ZNF710: variants seen among roughly 807,000 people sequenced by gnomAD.
ZNF710 encodes zinc finger protein 710.
A neutral mutation model predicts 50.6 loss-of-function variants in ZNF710; 13 were observed. That is an observed-to-expected ratio of 0.26 (90% CI 0.17 to 0.41). ZNF710 has a LOEUF of 0.41. Ranked by LOEUF, ZNF710 falls within the 10% of genes least tolerant of loss-of-function variation. The probability of loss-of-function intolerance (pLI) is 1.00; values close to 1 mark genes in which losing one functional copy is unlikely to be tolerated. For missense variants in ZNF710, 721 were observed against 936.6 expected, an observed-to-expected ratio of 0.77 and a Z score of 3.01; for synonymous variants, 383 against 397.0, an observed-to-expected ratio of 0.96 and a Z score of 0.42.
At chr15:90,006,147 T>TAAGG (rs1898136136) in intron 1 of ZNF710, among the ~76,000 whole-genome samples, 1 of 152,072 alleles carries the variant, frequency 6.6e-6, no homozygotes, top group African/African-American at 2.4e-5. Flanking sequence ...GTGAGGCCTA[T>TAAGG]AAGGGAATGC....
At chr15:90,036,506 G>A (rs1045516180) in intron 1 of ZNF710, among the ~76,000 whole-genome samples, 1 of 151,964 alleles carries the variant, frequency 6.6e-6, no homozygotes, top group African/African-American at 2.4e-5. Context: ...TGGGAGCCTG[G>A]AATGAATTCT....
chr15:90,007,880 G>A (rs182981976), intron 1 of ZNF710, among the ~76,000 whole-genome samples: 13 of 152,032 alleles, frequency 8.6e-5, no homozygotes, highest in Non-Finnish European at 1.6e-4. Context: ...TCCCAAGGAA[G>A]CACCTTGTGA....
intron 1 of ZNF710, among the ~76,000 whole-genome samples, chr15:90,013,757 T>C (rs1027578582): frequency 6.6e-6 from 1 of 152,244 alleles, no homozygotes; most frequent in African/African-American, 2.4e-5. Context: ...TCTCGATTTT[T>C]GGTCAAAGTC....
intron 1 of ZNF710, among the ~76,000 whole-genome samples, chr15:90,031,035 A>AAAAAAAAAC (rs1567226859): frequency 6.6e-6 from 1 of 151,072 alleles, no homozygotes; most frequent in African/African-American, 2.4e-5. Flanking sequence ...AAAGAAAAAA[A>AAAAAAAAAC]AAAAAATGCT....
rs368826866 is a variant in ZNF710, at chr15:90,067,812, C to A, written c.675C>A (p.Pro225=). ...GGTTCGAGCCACCCCACCTGGCCCCCCTGAGTGACCCCGAGGCCCCCAGCA... is the reference window on the plus strand; with the variant it reads ...GGTTCGAGCCACCCCACCTGGCCCCACTGAGTGACCCCGAGGCCCCCAGCA... The part of the protein sequence containing the change: ...ECGFEPPHLA[P]LSDPEAPSME... The change falls in exon 2 of 5, where the codon CCC becomes CCA. Residue 225 remains proline (P), a synonymous_variant. Coordinates refer to ENST00000268154, the MANE Select transcript of ZNF710 (RefSeq NM_198526.4). The surrounding 1 kb of genome is among the most constrained non-coding windows in gnomAD (Gnocchi z 8.1). 105 of 1,583,334 alleles carry A rather than the reference C, an allele frequency of 6.6e-5. No individual in the cohort carries two copies. The highest frequency in any genetic ancestry group is 3.4e-4 in the Middle Eastern group (2 of 5,948).
At chr15:90,045,460 T>A in intron 1 of ZNF710, 3 of 938,528 alleles carry the variant, frequency 3.2e-6, no homozygotes, top group Non-Finnish European at 3.8e-6. Flanking sequence ...AACACTGAGG[T>A]GAGCGCAGAA....
intron 4 of ZNF710, among the ~76,000 whole-genome samples, chr15:90,077,404 C>T (rs902232830): frequency 3.9e-5 from 6 of 151,934 alleles, no homozygotes; most frequent in African/African-American, 9.7e-5. Context: ...CCACCACGCC[C>T]GGCTAATTTT....
upstream of ZNF710, among the ~76,000 whole-genome samples, chr15:89,998,780 GC>G (rs1261945720): frequency 6.6e-6 from 1 of 152,178 alleles, no homozygotes; most frequent in Non-Finnish European, 1.5e-5. Context: ...AGGTTGACTT[GC>G]CCAGGAATAT....
At chr15:90,008,554 A>T (rs1257016845) in intron 1 of ZNF710, among the ~76,000 whole-genome samples, 1 of 150,328 alleles carries the variant, frequency 6.7e-6, no homozygotes, top group Admixed American at 6.6e-5. Flanking sequence ...AGGCCCAGGC[A>T]GGAGGATTGC....
At chr15:90,001,005 GAGAA>G (rs752735624), upstream of ZNF710, among the ~76,000 whole-genome samples, 54 of 151,874 alleles carry the variant, frequency 3.6e-4, no homozygotes, top group East Asian at 9.1e-3. Flanking sequence ...AAGAGAGAGA[GAGAA>G]AGAAAGAAAA....
intron 4 of ZNF710, 95 bp from the exon 5 acceptor site, chr15:90,079,565 C>G: frequency 1.4e-6 from 2 of 1,473,970 alleles, no homozygotes; most frequent in Non-Finnish European, 1.8e-6. Flanking sequence ...GACTGGGAAG[C>G]CCTCTCTTTA....
At chr15:90,010,535 T>C (rs1898269538) in intron 1 of ZNF710, among the ~76,000 whole-genome samples, 1 of 152,102 alleles carries the variant, frequency 6.6e-6, no homozygotes, top group South Asian at 2.1e-4. Context: ...GCTCAGGCTA[T>C]CCACTTGCCT....
intron 1 of ZNF710, among the ~76,000 whole-genome samples, chr15:90,037,080 A>G (rs1372150371): frequency 1.3e-5 from 2 of 152,100 alleles, no homozygotes; most frequent in Non-Finnish European, 2.9e-5. Context: ...GGCTGGGTTC[A>G]AAGCCTGGCT....
At chr15:90,055,030 T>G (rs1899768693) in intron 1 of ZNF710, among the ~76,000 whole-genome samples, 1 of 152,266 alleles carries the variant, frequency 6.6e-6, no homozygotes, top group Non-Finnish European at 1.5e-5. Context: ...CTGCTAGGGA[T>G]GCAGTGGTGA....
Position 90,067,950 on chromosome 15 carries a change from G to A in ZNF710, c.813G>A (p.Leu271=), listed in dbSNP as rs1367410847. ...TGGAACGCCACAAGAAGGCCCAGCT[G>A]GATCGGCTGGACATCAACGTGCAGA... The part of the protein sequence containing the change: ...STVERHKKAQ[L]DRLDINVQID... The change falls in exon 2 of 5, where the codon CTG becomes CTA. Residue 271 remains leucine, a synonymous_variant. Transcript: ENST00000268154. This position sits in a 1 kb window ranked among gnomAD's most constrained non-coding sequence, Gnocchi z 8.1. The A allele has an allele frequency of 1.2e-6, 2 of 1,614,064 alleles. No homozygotes were observed. The highest frequency in any genetic ancestry group is 2.2e-5 in the South Asian group (2 of 91,088).
intron 4 of ZNF710, chr15:90,074,993 G>A (rs2151539221): frequency 5.9e-6 from 1 of 170,712 alleles, no homozygotes; most frequent in South Asian, 1.4e-4. Context: ...TTTTAGGAGA[G>A]GATCCTATGC....
chr15:90,064,672 G>C (rs141792688), intron 1 of ZNF710, among the ~76,000 whole-genome samples: 2,842 of 152,204 alleles, frequency 0.019, 103 homozygotes, highest in African/African-American at 0.065. Context: ...ATTTTTAGTA[G>C]AGATGAGGTT....
intron 1 of ZNF710, among the ~76,000 whole-genome samples, chr15:90,021,520 C>G (rs1321190091): frequency 6.6e-6 from 1 of 152,232 alleles, no homozygotes; most frequent in Non-Finnish European, 1.5e-5. Context: ...CCTGAATCCT[C>G]TGTTCTCTGA....
At chr15:90,024,132 C>T (rs1466705124) in intron 1 of ZNF710, among the ~76,000 whole-genome samples, 2 of 152,204 alleles carry the variant, frequency 1.3e-5, no homozygotes, top group African/African-American at 4.8e-5. Flanking sequence ...CTCCTTCCCA[C>T]CCCTTACCTA....
Sources: gnomAD v4.1 joint callset for allele counts (sites outside exome capture counted in the v4.1 genomes callset) on GRCh38, gnomAD v4.1.1 for gene constraint, Gnocchi (gnomAD v3.1) non-coding constraint, MANE v1.5 for transcripts, NCBI Gene and HGNC (gene_info 2026-07-23, HGNC 2026-07-21) for gene names.